LRMDA: variants seen among roughly 807,000 people sequenced by gnomAD.
The protein encoded by LRMDA is leucine-rich melanocyte differentiation-associated protein.
In LRMDA, 18 loss-of-function variants were observed where a neutral mutation model predicts 29.8. The ratio of observed to expected loss-of-function variants is 0.60; its 90% CI spans 0.42 to 0.90. The LOEUF (loss-of-function observed/expected upper bound fraction) is 0.90, where lower values mean the gene tolerates loss of function less well. LRMDA is among the 40% of genes least tolerant of loss of function. The pLI is 0.00. For synonymous variants in LRMDA, 125 were observed against 109.4 expected (o/e 1.14, Z -0.89); for missense variants, 273 against 273.9 (o/e 1.00, Z 0.02).
intron 2 of LRMDA, among the ~76,000 whole-genome samples, chr10:75,586,983 A>G (rs1840664739): frequency 6.6e-6 from 1 of 152,162 alleles, no homozygotes; most frequent in Admixed American, 6.5e-5. Flanking sequence ...AGTCTGATGC[A>G]GTCCCACTTG....
At chr10:75,975,489 G>A (rs74149850) in intron 2 of LRMDA, among the ~76,000 whole-genome samples, 2,148 of 152,232 alleles carry the variant, frequency 0.014, 41 homozygotes, top group African/African-American at 0.047. Flanking sequence ...ACCATTCTGG[G>A]CTTTCCTCCT....
intron 6 of LRMDA, among the ~76,000 whole-genome samples, chr10:76,490,320 GTTTC>G (rs1842820884): frequency 6.6e-6 from 1 of 151,800 alleles, no homozygotes; most frequent in African/African-American, 2.4e-5. Context: ...ATAGTCCAGT[GTTTC>G]TTTGTTATTT....
chr10:76,005,519 G>A (rs192669073), intron 2 of LRMDA, among the ~76,000 whole-genome samples: 10 of 152,242 alleles, frequency 6.6e-5, no homozygotes, highest in Admixed American at 1.3e-4. Flanking sequence ...AGGCTGAGAC[G>A]GGAGGAGCAC....
intron 2 of LRMDA, among the ~76,000 whole-genome samples, chr10:75,812,373 T>C (rs1284408835): frequency 6.6e-6 from 1 of 152,130 alleles, no homozygotes; most frequent in Non-Finnish European, 1.5e-5. Context: ...GCACGTACAA[T>C]GTGTCTTTGG....
At chr10:76,326,728 A>G (rs1015832549) in intron 6 of LRMDA, among the ~76,000 whole-genome samples, 2 of 152,170 alleles carry the variant, frequency 1.3e-5, no homozygotes, top group Non-Finnish European at 2.9e-5. Flanking sequence ...CTTTTATGTA[A>G]CTTCCAATGT....
chr10:76,525,172 C>A (rs1397339968), intron 6 of LRMDA, among the ~76,000 whole-genome samples: 1 of 152,060 alleles, frequency 6.6e-6, no homozygotes, highest in Non-Finnish European at 1.5e-5. Flanking sequence ...ATGAATTGCA[C>A]CTTTTTATGT....
intron 2 of LRMDA, among the ~76,000 whole-genome samples, chr10:75,836,595 A>G (rs1010887836): frequency 1.3e-5 from 2 of 152,126 alleles, no homozygotes; most frequent in Non-Finnish European, 2.9e-5. Context: ...TGTTTTTTTA[A>G]AAGAGGAATC....
At chr10:76,493,666 CA>C (rs1842855454) in intron 6 of LRMDA, among the ~76,000 whole-genome samples, 2 of 151,938 alleles carry the variant, frequency 1.3e-5, no homozygotes, top group Non-Finnish European at 2.9e-5. Context: ...TTAAATAAAT[CA>C]GGGTAAGTTC....
intron 2 of LRMDA, among the ~76,000 whole-genome samples, chr10:75,877,494 C>T (rs74650342): frequency 0.023 from 3,485 of 152,298 alleles, 135 homozygotes; most frequent in African/African-American, 0.08. Flanking sequence ...ATGGATCACA[C>T]TGTATTTGTG....
intron 2 of LRMDA, among the ~76,000 whole-genome samples, chr10:75,762,694 A>T (rs1843113037): frequency 6.6e-6 from 1 of 152,326 alleles, no homozygotes; most frequent in Non-Finnish European, 1.5e-5. Flanking sequence ...TATTCACCTT[A>T]TAGGATTGTT....
intron 2 of LRMDA, among the ~76,000 whole-genome samples, chr10:75,584,374 G>T (rs555528744): frequency 1.3e-5 from 2 of 152,048 alleles, no homozygotes; most frequent in Admixed American, 6.6e-5. Context: ...TGCTCTCCAT[G>T]TATGTGTCTA....
chr10:76,237,121 TTG>T (rs1852166646), intron 5 of LRMDA, among the ~76,000 whole-genome samples: 1 of 152,182 alleles, frequency 6.6e-6, no homozygotes. Flanking sequence ...GAGTTGGAGA[TTG>T]CAGTGAGCTA....
chr10:76,034,476 A>G (rs982610438), intron 2 of LRMDA, among the ~76,000 whole-genome samples: 6 of 152,100 alleles, frequency 3.9e-5, no homozygotes, highest in African/African-American at 1.4e-4. Context: ...GTGCTCTGGG[A>G]GTCGAGTCCT....
intron 5 of LRMDA, among the ~76,000 whole-genome samples, chr10:76,156,253 A>G (rs1850536149): frequency 6.6e-6 from 1 of 152,152 alleles, no homozygotes; most frequent in African/African-American, 2.4e-5. Flanking sequence ...CAAGGGCTCA[A>G]AAACCCTGGA....
chr10:75,596,214 G>C (rs904854092), intron 2 of LRMDA, among the ~76,000 whole-genome samples: 12 of 152,216 alleles, frequency 7.9e-5, no homozygotes, highest in African/African-American at 2.9e-4. Context: ...GAAGCAGAGA[G>C]TATAAATATC....
At chr10:75,443,564 T>C (rs919933289) in intron 2 of LRMDA, among the ~76,000 whole-genome samples, 1 of 152,198 alleles carries the variant, frequency 6.6e-6, no homozygotes, top group African/African-American at 2.4e-5. Context: ...TCCCACTTGA[T>C]GATGGTGCAT....
intron 2 of LRMDA, among the ~76,000 whole-genome samples, chr10:75,977,918 A>G (rs1212960641): frequency 2.3e-5 from 3 of 128,174 alleles, no homozygotes; most frequent in Admixed American, 7.9e-5. Context: ...ATCTGTGGAG[A>G]TAATGGTCAT....
intron 2 of LRMDA, among the ~76,000 whole-genome samples, chr10:75,903,513 C>G (rs1845709559): frequency 6.6e-6 from 1 of 152,208 alleles, no homozygotes; most frequent in Non-Finnish European, 1.5e-5. Context: ...CACATTACTG[C>G]CTGCGTTTTA....
chr10:76,045,327 C>T (rs911031844), intron 3 of LRMDA, among the ~76,000 whole-genome samples: 6 of 149,534 alleles, frequency 4.0e-5, no homozygotes, highest in Non-Finnish European at 7.4e-5. Context: ...TTGCTAGTTT[C>T]CCCCTCTTGT....
Sources: allele counts gnomAD v4.1 joint callset (sites outside exome capture counted in the v4.1 genomes callset), GRCh38; gene constraint gnomAD v4.1.1; transcripts MANE v1.5; gene names NCBI Gene and HGNC (gene_info 2026-07-23, HGNC 2026-07-21).